CNTN5: variants seen among roughly 807,000 people sequenced by gnomAD.
CNTN5 encodes contactin 5.
In CNTN5, 77 loss-of-function variants were observed where a neutral mutation model predicts 129.1. The observed-to-expected ratio is 0.60, with a 90% CI of 0.50 to 0.72. CNTN5 has a LOEUF of 0.72. CNTN5 is among the 30% of genes least tolerant of loss of function. The pLI is 0.00. For missense variants in CNTN5, 1,478 were observed against 1,328.8 expected (o/e 1.11, Z -1.75); for synonymous variants, 509 against 465.6 (o/e 1.09, Z -1.20).
chr11:99,233,389 A>G (rs1861102805), intron 1 of CNTN5, among the ~76,000 whole-genome samples: 1 of 152,244 alleles, frequency 6.6e-6, no homozygotes, highest in Non-Finnish European at 1.5e-5. Flanking sequence ...AAAGCATATT[A>G]TGTGTGGAAA....
intron 6 of CNTN5, among the ~76,000 whole-genome samples, chr11:99,891,318 T>A (rs1264293832): frequency 6.6e-6 from 1 of 151,660 alleles, no homozygotes; most frequent in African/African-American, 2.4e-5. Context: ...TATTTTTTGA[T>A]GTCCCAATAT....
chr11:99,632,522 T>C (rs1159697451), intron 3 of CNTN5, among the ~76,000 whole-genome samples: 2 of 152,154 alleles, frequency 1.3e-5, no homozygotes, highest in African/African-American at 4.8e-5. Context: ...CCTCTACTCT[T>C]GAAATCCTTT....
At chr11:99,627,723 T>C (rs619821) in intron 3 of CNTN5, among the ~76,000 whole-genome samples, 92,540 of 151,314 alleles carry the variant, frequency 0.61, 29,161 homozygotes, top group Admixed American at 0.74. Context: ...AAAAAGCTCT[T>C]ATGCACTTGT....
chr11:99,715,402 G>A (rs1447267618), intron 3 of CNTN5, among the ~76,000 whole-genome samples: 1 of 151,520 alleles, frequency 6.6e-6, no homozygotes, highest in Non-Finnish European at 1.5e-5. Context: ...TCTGAAGATA[G>A]GCAACTTGAG....
chr11:99,079,039 T>TAA (rs1408702612), intron 1 of CNTN5, among the ~76,000 whole-genome samples: 1 of 152,110 alleles, frequency 6.6e-6, no homozygotes, highest in Non-Finnish European at 1.5e-5. Flanking sequence ...ATGCCTGTAT[T>TAA]AAAATATTGA....
chr11:100,189,409 A>G (rs1246169480), intron 13 of CNTN5, among the ~76,000 whole-genome samples: 3 of 152,086 alleles, frequency 2.0e-5, no homozygotes, highest in Non-Finnish European at 4.4e-5. Context: ...CACTCCTCTT[A>G]AATCAAAAAC....
At chr11:99,192,517 A>T (rs1858694827) in intron 1 of CNTN5, among the ~76,000 whole-genome samples, 1 of 152,114 alleles carries the variant, frequency 6.6e-6, no homozygotes, top group Non-Finnish European at 1.5e-5. Flanking sequence ...ACTTAAATGT[A>T]TAAAAATATA....
chr11:100,112,193 G>A (rs1184162681), intron 13 of CNTN5, among the ~76,000 whole-genome samples: 1 of 152,100 alleles, frequency 6.6e-6, no homozygotes, highest in Non-Finnish European at 1.5e-5. Flanking sequence ...CCATGTTCTT[G>A]TCCTCTGCCA....
At chr11:100,261,113 A>T (rs538958681) in intron 17 of CNTN5, among the ~76,000 whole-genome samples, 13 of 152,294 alleles carry the variant, frequency 8.5e-5, no homozygotes, top group Admixed American at 6.5e-4. Flanking sequence ...GGATACAAAA[A>T]TCAATGGGCA....
intron 1 of CNTN5, among the ~76,000 whole-genome samples, chr11:99,230,819 CCT>C (rs1304248926): frequency 1.3e-5 from 2 of 152,070 alleles, no homozygotes; most frequent in Non-Finnish European, 2.9e-5. Flanking sequence ...TCTCCCACCC[CCT>C]GACAAGCCCC....
intron 3 of CNTN5, among the ~76,000 whole-genome samples, chr11:99,558,914 G>A (rs1948755255): frequency 2.0e-5 from 3 of 151,854 alleles, no homozygotes; most frequent in African/African-American, 4.8e-5. Flanking sequence ...TTTCTTTTTT[G>A]CTGTAGATAT....
intron 3 of CNTN5, among the ~76,000 whole-genome samples, chr11:99,718,418 G>GA (rs771324025): frequency 6.6e-6 from 1 of 152,098 alleles, no homozygotes; most frequent in Non-Finnish European, 1.5e-5. Flanking sequence ...AGTCCATCTG[G>GA]AAGAGGGTCT....
chr11:99,708,575 T>C (rs910136409), intron 3 of CNTN5, among the ~76,000 whole-genome samples: 2 of 151,758 alleles, frequency 1.3e-5, no homozygotes, highest in African/African-American at 4.8e-5. Context: ...AAAGGCACCA[T>C]TCTGATCTAC....
chr11:99,803,039 C>G (rs1281080731), intron 3 of CNTN5, among the ~76,000 whole-genome samples: 1 of 151,930 alleles, frequency 6.6e-6, no homozygotes, highest in African/African-American at 2.4e-5. Context: ...GCTGGTGATC[C>G]AGGTGAATGG....
chr11:100,160,637 A>G (rs1159253864), intron 13 of CNTN5, among the ~76,000 whole-genome samples: 2 of 151,928 alleles, frequency 1.3e-5, no homozygotes, highest in Non-Finnish European at 2.9e-5. Context: ...CAAAATCACA[A>G]AAGAGTTACT....
chr11:99,374,580 A>G (rs1940042935), intron 2 of CNTN5, among the ~76,000 whole-genome samples: 1 of 152,186 alleles, frequency 6.6e-6, no homozygotes, highest in Admixed American at 6.5e-5. Flanking sequence ...GCTACTCCAG[A>G]GGCTGAGGCA....
chr11:99,485,172 A>G (rs1241991156), intron 2 of CNTN5, among the ~76,000 whole-genome samples: 1 of 152,226 alleles, frequency 6.6e-6, no homozygotes, highest in Non-Finnish European at 1.5e-5. Context: ...CATTGACCCC[A>G]TAAATATGTA....
intron 13 of CNTN5, among the ~76,000 whole-genome samples, chr11:100,080,533 G>A (rs1009399033): frequency 6.6e-6 from 1 of 152,130 alleles, no homozygotes; most frequent in Non-Finnish European, 1.5e-5. Context: ...GGGAAAATCT[G>A]TTCTTAACAA....
chr11:100,003,238 T>A (rs2137481738), intron 9 of CNTN5, among the ~76,000 whole-genome samples: 1 of 152,286 alleles, frequency 6.6e-6, no homozygotes, highest in Admixed American at 6.5e-5. Flanking sequence ...AAGCAAAAGA[T>A]AGCCAGAAGT....
Sources: gnomAD v4.1 joint callset for allele counts (sites outside exome capture counted in the v4.1 genomes callset) on GRCh38, gnomAD v4.1.1 for gene constraint, MANE v1.5 for transcripts, NCBI Gene and HGNC (gene_info 2026-07-23, HGNC 2026-07-21) for gene names.